The following RNASEH1 variants were observed in gnomAD, a reference collection of about 807,000 sequenced individuals.
RNASEH1 encodes ribonuclease H1.
RNASEH1 carries 27 observed loss-of-function variants against 34.6 expected under a neutral mutation model. That is an observed-to-expected ratio of 0.78 (90% confidence interval 0.58 to 1.08). The LOEUF (loss-of-function observed/expected upper bound fraction) is 1.08. RNASEH1 is among the 50% of genes least tolerant of loss of function. The pLI, the probability that RNASEH1 is intolerant of heterozygous loss-of-function variation, is 0.00. For synonymous variants in RNASEH1, 162 were observed against 138.4 expected (o/e 1.17, Z -1.20); for missense variants, 349 against 373.6 (o/e 0.93, Z 0.54).
chr2:3,551,421 C>G (rs543619481), intron 3 of RNASEH1, among the ~76,000 whole-genome samples: 155 of 152,370 alleles, frequency 1.0e-3, no homozygotes, highest in African/African-American at 3.6e-3. Flanking sequence ...AACGGCTCAT[C>G]TCCCTGCAAC....
chr2:3,547,841 A>G (rs1184452875), intron 7 of RNASEH1, 90 bp downstream of exon 7: 17 of 1,275,360 alleles, frequency 1.3e-5, no homozygotes, highest in Non-Finnish European at 1.8e-5. Context: ...TTGTTATGTC[A>G]TTAAACCACT....
downstream of RNASEH1, among the ~76,000 whole-genome samples, chr2:3,538,228 T>G (rs1668089648): frequency 6.6e-6 from 1 of 151,426 alleles, no homozygotes; most frequent in African/African-American, 2.4e-5. Context: ...TTGGGCACCT[T>G]GTAGTCCCAG....
chr2:3,555,957 G>A (rs1021508854), intron 2 of RNASEH1, among the ~76,000 whole-genome samples: 2 of 152,012 alleles, frequency 1.3e-5, no homozygotes, highest in African/African-American at 2.4e-5. Context: ...AATCATTTGA[G>A]GTCAGGTGTT....
At position 3,556,877 on chromosome 2, in the gene RNASEH1, C is replaced by T. The variant is rs148031856; in HGVS notation, c.156G>A (p.Arg52=). 247 of 1,614,060 alleles carry T rather than the reference C, an allele frequency of 1.5e-4. 1 individual carries two copies. The highest frequency in any genetic ancestry group is 1.0e-4 in the Non-Finnish European group (120 of 1,179,872). The change falls in exon 2 of 8, where the codon CGG becomes CGA. Residue 52 remains arginine, a synonymous_variant. Transcript: ENST00000315212. ...TWNECRAQVD[R]FPAARFKKFA... is the part of the protein sequence containing the mutation. ...ACTTCTTAAATCTGGCAGCAGGAAA[C>T]CGGTCCACCTGTGCTCTGCACTCAT...
chr2:3,532,342 G>A, the RNASEH1 span: 32 of 702,324 alleles, frequency 4.6e-5, no homozygotes, highest in Middle Eastern at 2.3e-4. Context: ...GGTACAAAGC[G>A]AGTGGTTCAC....
chr2:3,538,574 TAAC>T (rs1044010222), downstream of RNASEH1, among the ~76,000 whole-genome samples: 2 of 152,148 alleles, frequency 1.3e-5, no homozygotes, highest in African/African-American at 4.8e-5. Context: ...TTTTTCCACT[TAAC>T]AGTGCCCAGA....
chr2:3,532,496 G>A, the RNASEH1 span, among the ~76,000 whole-genome samples: 1 of 152,108 alleles, frequency 6.6e-6, no homozygotes, highest in Non-Finnish European at 1.5e-5. Context: ...GGTGTCCTTA[G>A]GTGATTTCAC....
the RNASEH1 span, among the ~76,000 whole-genome samples, chr2:3,532,692 G>A: frequency 2.0e-5 from 3 of 152,176 alleles, no homozygotes; most frequent in Admixed American, 2.0e-4. Context: ...ATCTGACGAG[G>A]CCCCTGTTGA....
chr2:3,537,185 G>C (rs912946815), downstream of RNASEH1, among the ~76,000 whole-genome samples: 1 of 152,132 alleles, frequency 6.6e-6, no homozygotes, highest in African/African-American at 2.4e-5. Flanking sequence ...CATATTATAC[G>C]AATCTCAGAT....
In RNASEH1 at chr2:3,542,978, C is replaced by T. The variant is rs965659457; in HGVS notation, c.*2807G>A. On this transcript the variant is annotated 3_prime_UTR_variant, in exon 8 of 8. Transcript: ENST00000315212. ...ACTGGATCTGAAATACCATCTCTAC[C>T]AGAGACTCTGGGAAAAATAATGGAT... Among the ~76,000 whole-genome samples, 6 of 152,196 alleles carry T rather than the reference C, an allele frequency of 3.9e-5. No homozygotes were observed. The highest frequency in any genetic ancestry group is 1.2e-4 in the African/African-American group (5 of 41,442).
chr2:3,532,978 TGTGCCCACAGAGAAGCCGATC>T, the RNASEH1 span: 8 of 152,254 alleles, frequency 5.3e-5, no homozygotes, highest in African/African-American at 1.9e-4. Context: ...CCCAGGCCTC[TGTGCCCACAGAGAAGCCGATC>T]GTGCTGCCTC....
chr2:3,555,699 C>G (rs2147779182), intron 2 of RNASEH1, among the ~76,000 whole-genome samples: 1 of 152,226 alleles, frequency 6.6e-6, no homozygotes, highest in East Asian at 1.9e-4. Context: ...AAGTAACATT[C>G]ACGTAAGATC....
intron 5 of RNASEH1, 107 bp downstream of exon 5, chr2:3,548,951 C>T: frequency 2.0e-6 from 2 of 993,344 alleles, no homozygotes; most frequent in Non-Finnish European, 3.1e-6. Flanking sequence ...ACCCGTCTCT[C>T]TTCAAATATC....
At chr2:3,555,466 C>G (rs565927765) in intron 2 of RNASEH1, among the ~76,000 whole-genome samples, 5 of 152,298 alleles carry the variant, frequency 3.3e-5, no homozygotes, top group African/African-American at 1.2e-4. Context: ...AGCAGATGCA[C>G]TGAGTGAGGG....
rs978712186 is a variant in RNASEH1, at chr2:3,542,808, G to C, written c.*2977C>G. Among the ~76,000 whole-genome samples the C allele has an allele frequency of 1.3e-5, 2 of 152,158 alleles. No individual in the cohort carries two copies. The highest frequency in any genetic ancestry group is 1.3e-4 in the Admixed American group (2 of 15,272). On this transcript the variant is annotated 3_prime_UTR_variant, in exon 8 of 8. Transcript: ENST00000315212. ...TAGAGGAGGCTATGTAAAGGCCCCA[G>C]GACCCTGAATTTGTATTGGGAATAT...
intron 2 of RNASEH1, among the ~76,000 whole-genome samples, chr2:3,556,503 T>C (rs1312207413): frequency 1.3e-5 from 2 of 151,834 alleles, no homozygotes; most frequent in Non-Finnish European, 2.9e-5. Context: ...TGGAGTTTCA[T>C]CATGTTGGCC....
In RNASEH1 at chr2:3,547,972, C is replaced by T; in HGVS notation, c.733G>A (p.Val245Met). The stretch of plus-strand genomic sequence containing the variant: ...CCCTGGGTAAGCCTCTCCAGTGCCA[C>T]AAAGTCCTCTTTGTTGATCACCTCT... ...GKEVINKEDF[V>M]ALERLTQGMD... Residue 245 changes from valine to methionine, a missense_variant, in exon 7 of 8, where the codon GTG (valine) becomes ATG (methionine). This residue lies in a region of RNASEH1 where 93 missense variants were observed against 132.9 expected (regional missense o/e 0.70). Coordinates refer to ENST00000315212, the MANE Select transcript of RNASEH1 (RefSeq NM_002936.6). The T allele has an allele frequency of 6.2e-7, 1 of 1,613,984 alleles. No individual in the cohort carries two copies. The highest frequency in any genetic ancestry group is 1.7e-5 in the Admixed American group (1 of 60,016).
At chr2:3,556,527 A>AT (rs1660517141) in intron 2 of RNASEH1, among the ~76,000 whole-genome samples, 1 of 152,156 alleles carries the variant, frequency 6.6e-6, no homozygotes, top group Non-Finnish European at 1.5e-5. Flanking sequence ...CTGGACAAGT[A>AT]TTTTTTTAAA....
chr2:3,532,554 T>C, the RNASEH1 span, among the ~76,000 whole-genome samples: 61,436 of 151,920 alleles, frequency 0.4, 13,728 homozygotes, highest in African/African-American at 0.59. Flanking sequence ...CGTGGCACAG[T>C]CTATGGCTTC....
Sources: gnomAD v4.1 joint callset for allele counts (sites outside exome capture counted in the v4.1 genomes callset) on GRCh38, gnomAD v4.1.1 for gene constraint, gnomAD v4.1.1 regional missense constraint, MANE v1.5 for transcripts, NCBI Gene and HGNC (gene_info 2026-07-23, HGNC 2026-07-21) for gene names.